The following ATF1 variants were observed in gnomAD, a reference collection of about 807,000 sequenced individuals.
The protein encoded by ATF1 is cyclic AMP-dependent transcription factor ATF-1.
In ATF1, 16 loss-of-function variants were observed where a neutral mutation model predicts 34.7. The observed-to-expected ratio is 0.46, with a 90% confidence interval of 0.31 to 0.70. The LOEUF (loss-of-function observed/expected upper bound fraction) is 0.70. ATF1 is among the 30% of genes least tolerant of loss of function. ATF1 has a pLI of 0.05. For synonymous variants in ATF1, 105 were observed against 113.1 expected, an observed-to-expected ratio of 0.93 and a Z score of 0.46; for missense variants, 255 against 321.6, an observed-to-expected ratio of 0.79 and a Z score of 1.58.
chr12:50,811,630 GAAAAAAAA>G (rs11464441), intron 4 of ATF1, among the ~76,000 whole-genome samples: 1 of 72,920 alleles, frequency 1.4e-5, no homozygotes, highest in Admixed American at 1.6e-4. Flanking sequence ...GAAAAATGAA[GAAAAAAAA>G]AAAAAAAAAA....
rs1011524861 is a variant in ATF1, at chr12:50,809,330, C to T, written c.195-126C>T. 6.4e-5 allele frequency: 51 copies of T among 794,634 alleles called. No individual in the cohort carries two copies. The East Asian group carries it at 7.5e-4, about 12-fold the overall frequency. The allele number at this position is 794,634 out of a possible 1,614,324, so 49.2% of individuals were successfully genotyped here. On this transcript the variant is annotated intron_variant, in intron 3 of 6. Transcript: ENST00000262053. ...CAGAGGTTGCAGTGAGCCATGATGG[C>T]GCCACTGTACTCCAGCCTGGGTGAC...
At chr12:50,803,861 G>A (rs751513133) in intron 3 of ATF1, among the ~76,000 whole-genome samples, 1 of 152,204 alleles carries the variant, frequency 6.6e-6, no homozygotes, top group Non-Finnish European at 1.5e-5. Context: ...ATTGCATATT[G>A]TATGATTCCA....
At chr12:50,806,414 T>A in intron 3 of ATF1, 1 of 490,894 alleles carries the variant, frequency 2.0e-6, no homozygotes, top group South Asian at 1.5e-5. Flanking sequence ...ATGCTGACAA[T>A]GGTTCCCATC....
rs543956085 is a variant in ATF1 at position 50,772,973 on chromosome 12, C to T, written c.-6-7167C>T. ...GTGTTGTTCTCCCACCATGTGTCCCCGTGTTCTCACCATTCAGCTCCTACT... is the reference window on the plus strand; with the variant it reads ...GTGTTGTTCTCCCACCATGTGTCCCTGTGTTCTCACCATTCAGCTCCTACT... On this transcript the variant is annotated intron_variant, in intron 1 of 6. Transcript: ENST00000262053. Among the ~76,000 whole-genome samples, 21 of 152,258 alleles carry T rather than the reference C, an allele frequency of 1.4e-4. No individual in the cohort carries two copies. In the South Asian group the frequency reaches 2.1e-3, roughly 15 times the overall value.
intron 2 of ATF1, among the ~76,000 whole-genome samples, chr12:50,787,022 A>C (rs567826638): frequency 6.6e-6 from 1 of 152,332 alleles, no homozygotes; most frequent in Non-Finnish European, 1.5e-5. Flanking sequence ...TAGTACACTT[A>C]AGGTAATCCA....
chr12:50,781,028 T>C (rs1941048863), intron 2 of ATF1, among the ~76,000 whole-genome samples: 1 of 151,992 alleles, frequency 6.6e-6, no homozygotes, highest in South Asian at 2.1e-4. Context: ...TGTTAAAATA[T>C]AAGAAAAGAA....
Position 50,809,492 on chromosome 12 carries a change from G to T in ATF1, c.231G>T (p.Arg77=). The stretch of plus-strand genomic sequence containing the variant: ...AAGACTTATCTTCTGAAGATACACG[G>T]GGCAGAAAAGGAGACGGAGAAAATT... ...ILKDLSSEDT[R]GRKGDGENSG... The change falls in exon 4 of 7, where the codon CGG becomes CGT. Residue 77 remains arginine (R), a synonymous_variant. Coordinates refer to ENST00000262053, the MANE Select transcript of ATF1 (RefSeq NM_005171.5). The T allele has an allele frequency of 6.2e-7, 1 of 1,613,294 alleles. No individual in the cohort carries two copies. Among genetic ancestry groups the T allele is most frequent in the Non-Finnish European group, 8.5e-7 (1 of 1,179,468 alleles).
intron 3 of ATF1, among the ~76,000 whole-genome samples, chr12:50,798,023 A>C (rs10747594): frequency 1 from 151,565 of 151,578 alleles, 75,776 homozygotes; most frequent in Middle Eastern, 1. Flanking sequence ...ACTAAAAATA[A>C]AAAAATTAGG....
chr12:50,767,524 CAAAAAAA>C (rs1940667738), intron 1 of ATF1, among the ~76,000 whole-genome samples: 1 of 151,704 alleles, frequency 6.6e-6, no homozygotes, highest in African/African-American at 2.4e-5. Flanking sequence ...ATGTCCATCT[CAAAAAAA>C]GAAAAAAAAG....
At chr12:50,770,433 G>C (rs1940741965) in intron 1 of ATF1, among the ~76,000 whole-genome samples, 1 of 152,128 alleles carries the variant, frequency 6.6e-6, no homozygotes, top group South Asian at 2.1e-4. Flanking sequence ...GGAGCCCCAA[G>C]TTATCTTGGG....
At chr12:50,788,846 A>G (rs1941242895) in intron 2 of ATF1, among the ~76,000 whole-genome samples, 1 of 152,114 alleles carries the variant, frequency 6.6e-6, no homozygotes, top group African/African-American at 2.4e-5. Context: ...TTTGCGGTCT[A>G]GTTAGTATAA....
At chr12:50,795,126 A>G (rs1299779553) in intron 2 of ATF1, among the ~76,000 whole-genome samples, 1 of 152,214 alleles carries the variant, frequency 6.6e-6, no homozygotes, top group African/African-American at 2.4e-5. Context: ...TATACCTGCC[A>G]TTGCCAGTGA....
intron 2 of ATF1, among the ~76,000 whole-genome samples, chr12:50,784,039 T>C (rs1941130325): frequency 6.6e-6 from 1 of 151,928 alleles, no homozygotes; most frequent in Admixed American, 6.6e-5. Context: ...GGCGTTTGTC[T>C]GCAGTCCCAA....
Position 50,814,308 on chromosome 12 carries a change from G to T in ATF1, c.540G>T (p.Gln180His), listed in dbSNP as rs1941798135. The T allele has an allele frequency of 1.9e-6, 3 of 1,614,160 alleles. No individual in the cohort carries two copies. Among genetic ancestry groups the T allele is most frequent in the Non-Finnish European group, 2.5e-6 (3 of 1,180,028 alleles). ...CATCAGGAGATATGCAAACATATCA[G>T]ATCCGAACTACACCTTCAGCTACTT... ...QTASGDMQTY[Q>H]IRTTPSATSL... Residue 180 changes from glutamine to histidine, a missense_variant, in exon 6 of 7, where the codon CAG becomes CAT. Coordinates refer to ENST00000262053, the MANE Select transcript of ATF1 (RefSeq NM_005171.5).
chr12:50,816,969 A>G (rs971113743), intron 6 of ATF1, among the ~76,000 whole-genome samples: 4 of 152,212 alleles, frequency 2.6e-5, no homozygotes, highest in African/African-American at 9.6e-5. Context: ...ACATTTAGAT[A>G]CCCTTTATAC....
chr12:50,806,696 A>G (rs1045376273), intron 3 of ATF1, among the ~76,000 whole-genome samples: 12 of 138,504 alleles, frequency 8.7e-5, no homozygotes, highest in South Asian at 2.2e-4. Context: ...TGTACTTGTG[A>G]AAAAAAAAAA....
Position 50,814,349 on chromosome 12 carries a change from T to C in ATF1, c.581T>C (p.Val194Ala), listed in dbSNP as rs1941799191. The change falls in exon 6 of 7, where the codon GTG (valine) becomes GCG (alanine). Residue 194 changes from valine (V) to alanine (A), a missense_variant. Val to Ala is a moderately conservative substitution (Grantham distance 64, BLOSUM62 0). Around this residue, in one of 2 missense-constraint regions of ATF1, gnomAD observed 221 missense variants for 250.7 expected, o/e 0.88. Coordinates refer to ENST00000262053, the MANE Select transcript of ATF1 (RefSeq NM_005171.5). ...TPSATSLPQT[V>A]VMTSPVTLTS... is the part of the protein sequence containing the mutation. ...TCAGCTACTTCTCTGCCACAAACTG[T>C]GGTGATGACATCTCCTGTGACTCTC... 6.2e-7 allele frequency: 1 copy of C among 1,613,976 alleles called. No homozygotes were observed. Among genetic ancestry groups the C allele is most frequent in the African/African-American group, 1.3e-5 (1 of 74,916 alleles).
chr12:50,792,390 A>G (rs1343506819), intron 2 of ATF1, among the ~76,000 whole-genome samples: 2 of 152,168 alleles, frequency 1.3e-5, no homozygotes, highest in Non-Finnish European at 2.9e-5. Context: ...TTGAATTTGT[A>G]TTTGTTCTAT....
intron 2 of ATF1, among the ~76,000 whole-genome samples, chr12:50,784,587 G>T (rs756495013): frequency 6.6e-6 from 1 of 152,162 alleles, no homozygotes; most frequent in Admixed American, 6.5e-5. Context: ...GATAATGTAG[G>T]CCATATACCA....
Sources: allele counts gnomAD v4.1 joint callset (sites outside exome capture counted in the v4.1 genomes callset), GRCh38; gene constraint gnomAD v4.1.1; regional missense constraint gnomAD v4.1.1; transcripts MANE v1.5; gene names NCBI Gene and HGNC (gene_info 2026-07-23, HGNC 2026-07-21).